Variants in MYRIP observed in about 807,000 individuals in gnomAD.
The protein encoded by MYRIP is myosin VIIA and Rab interacting protein, also known as rab effector MyRIP.
Under a neutral mutation model 98.0 loss-of-function variants are expected in MYRIP, and 49 were observed. That is an observed-to-expected ratio of 0.50 (90% CI 0.40 to 0.63). The LOEUF is 0.63. Ranked by LOEUF, MYRIP falls within the 30% of genes least tolerant of loss-of-function variation. MYRIP has a pLI of 0.00. For synonymous variants in MYRIP, 404 were observed against 409.5 expected (o/e 0.99, Z 0.16); for missense variants, 1,004 against 1,058.2 (o/e 0.95, Z 0.71).
chr3:39,867,482 C>T (rs1942659371), intron 1 of MYRIP, among the ~76,000 whole-genome samples: 1 of 89,062 alleles, frequency 1.1e-5, no homozygotes, highest in Admixed American at 9.8e-5. Context: ...GCAAAAAGCT[C>T]ACAAATCCCA....
At chr3:40,090,066 A>G (rs1269540722) in intron 3 of MYRIP, among the ~76,000 whole-genome samples, 1 of 151,800 alleles carries the variant, frequency 6.6e-6, no homozygotes, top group African/African-American at 2.4e-5. Context: ...GCTGAAAAAC[A>G]CTTCATGAAT....
At chr3:40,016,676 T>C (rs1296199145) in intron 2 of MYRIP, among the ~76,000 whole-genome samples, 1 of 152,236 alleles carries the variant, frequency 6.6e-6, no homozygotes. Context: ...AGTCTCCATC[T>C]CAGGCTCTGC....
intron 2 of MYRIP, among the ~76,000 whole-genome samples, chr3:40,027,377 T>C (rs1216312695): frequency 6.6e-6 from 1 of 152,052 alleles, no homozygotes; most frequent in East Asian, 1.9e-4. Flanking sequence ...TGGCTGATAG[T>C]TCCCTGCTCA....
chr3:40,258,296 T>C lies in MYRIP; in HGVS notation c.*130T>C, dbSNP rs1012164743. On this transcript the variant is annotated 3_prime_UTR_variant, in exon 17 of 17. Transcript: ENST00000302541. Reference sequence around the variant, plus strand: ...GGCCTGGGGAGGCCACAGTGCACCATTGCACAGGGCTGTCCTGATACCTCA... The same window carrying C: ...GGCCTGGGGAGGCCACAGTGCACCACTGCACAGGGCTGTCCTGATACCTCA... 5 of 1,074,336 alleles carry C rather than the reference T, an allele frequency of 4.7e-6. No individual in the cohort carries two copies. Among genetic ancestry groups the C allele is most frequent in the African/African-American group, 1.5e-5 (1 of 64,698 alleles). 66.6% of individuals were successfully genotyped at this position (1,074,336 alleles called of 1,614,324 possible). A position where few individuals can be genotyped will look rare whatever the true frequency, so the allele number is the denominator to read the frequency against.
chr3:40,027,833 C>CA (rs1947170359), intron 2 of MYRIP, among the ~76,000 whole-genome samples: 1 of 151,962 alleles, frequency 6.6e-6, no homozygotes. Context: ...GCAAGATGGG[C>CA]AGGGTCAAGA....
intron 2 of MYRIP, among the ~76,000 whole-genome samples, chr3:39,973,166 G>T (rs998720342): frequency 2.6e-5 from 4 of 151,982 alleles, no homozygotes; most frequent in Non-Finnish European, 5.9e-5. Context: ...TATCTCATGT[G>T]CAGAGACACA....
intron 1 of MYRIP, among the ~76,000 whole-genome samples, chr3:39,818,467 G>A (rs1287704579): frequency 6.6e-6 from 1 of 152,136 alleles, no homozygotes; most frequent in Non-Finnish European, 1.5e-5. Flanking sequence ...GTTATCCATG[G>A]AGGTTGTTTT....
At chr3:40,047,487 AG>A (rs1322393886) in intron 3 of MYRIP, among the ~76,000 whole-genome samples, 2 of 152,226 alleles carry the variant, frequency 1.3e-5, no homozygotes, top group African/African-American at 4.8e-5. Context: ...CAATGTGTCT[AG>A]CTCAAACAGA....
intron 3 of MYRIP, among the ~76,000 whole-genome samples, chr3:40,057,482 G>A (rs568702760): frequency 2.9e-4 from 44 of 152,230 alleles, no homozygotes; most frequent in African/African-American, 9.4e-4. Context: ...GACAACCTCC[G>A]TATGTCATAA....
chr3:40,049,954 TG>T (rs1947756174), intron 3 of MYRIP, among the ~76,000 whole-genome samples: 1 of 152,186 alleles, frequency 6.6e-6, no homozygotes, highest in Non-Finnish European at 1.5e-5. Flanking sequence ...TCTTCTATTC[TG>T]TGAAGACTGA....
chr3:39,941,132 G>A (rs1370278214), intron 2 of MYRIP, among the ~76,000 whole-genome samples: 2 of 152,104 alleles, frequency 1.3e-5, no homozygotes. Flanking sequence ...AGGTAAAATA[G>A]AAGTACCTGG....
intron 10 of MYRIP, 120 bp downstream of exon 10, chr3:40,190,583 G>T: frequency 2.1e-6 from 3 of 1,448,070 alleles, no homozygotes; most frequent in Non-Finnish European, 1.8e-6. Flanking sequence ...TCTCATCTTG[G>T]TTTTGCAGCT....
At chr3:40,129,111 A>G (rs1182079330) in intron 3 of MYRIP, among the ~76,000 whole-genome samples, 1 of 151,854 alleles carries the variant, frequency 6.6e-6, no homozygotes, top group Non-Finnish European at 1.5e-5. Context: ...CTCTTGTCCT[A>G]CTAAGTGGAT....
intron 2 of MYRIP, among the ~76,000 whole-genome samples, chr3:39,907,842 C>A (rs893987830): frequency 6.6e-6 from 1 of 152,202 alleles, no homozygotes; most frequent in South Asian, 2.1e-4. Flanking sequence ...GTGTCGTCTG[C>A]CATTGGGCCT....
At chr3:39,891,907 G>GC (rs1553642943) in intron 1 of MYRIP, among the ~76,000 whole-genome samples, 1 of 150,540 alleles carries the variant, frequency 6.6e-6, no homozygotes, top group Non-Finnish European at 1.5e-5. Context: ...TACCTTTTCT[G>GC]TTTTTTTTCT....
At position 40,248,709 on chromosome 3, in the gene MYRIP, G is replaced by A. The variant is rs113149381; in HGVS notation, c.2263-1513G>A. ...ATCAAAACTGCTTCCAGGGAAGAAT[G>A]TGAGCATCTAATCCACACCAGTTGC... On this transcript the variant is annotated intron_variant, in intron 13 of 16. Coordinates refer to ENST00000302541, the MANE Select transcript of MYRIP (RefSeq NM_015460.4). Among the ~76,000 whole-genome samples, 197 of 152,338 alleles carry A rather than the reference G, an allele frequency of 1.3e-3. 1 individual carries two copies. Among genetic ancestry groups the A allele is most frequent in the African/African-American group, 4.5e-3 (188 of 41,562 alleles).
intron 11 of MYRIP, among the ~76,000 whole-genome samples, chr3:40,214,737 C>T (rs1441664420): frequency 2.0e-5 from 3 of 152,176 alleles, no homozygotes; most frequent in Non-Finnish European, 1.5e-5. Context: ...TGGGAATGAG[C>T]ACTCGTTTCT....
intron 2 of MYRIP, among the ~76,000 whole-genome samples, chr3:39,972,458 C>G (rs1383174096): frequency 6.6e-6 from 1 of 151,956 alleles, no homozygotes; most frequent in East Asian, 1.9e-4. Flanking sequence ...TAACGTGGAA[C>G]TAAACTTTGT....
intron 2 of MYRIP, among the ~76,000 whole-genome samples, chr3:39,968,643 A>T (rs532740700): frequency 6.6e-6 from 1 of 152,090 alleles, no homozygotes; most frequent in South Asian, 2.1e-4. Flanking sequence ...ATAGGTGTAC[A>T]GACTTATTTC....
Sources: allele counts gnomAD v4.1 joint callset (sites outside exome capture counted in the v4.1 genomes callset), GRCh38; gene constraint gnomAD v4.1.1; transcripts MANE v1.5; gene names NCBI Gene and HGNC (gene_info 2026-07-23, HGNC 2026-07-21).